The following BNIPL variants were observed in gnomAD, a reference collection of about 807,000 sequenced individuals.
BNIPL encodes the protein bcl-2/adenovirus E1B 19 kDa-interacting protein 2-like protein.
In BNIPL, 33 loss-of-function variants were observed where a neutral mutation model predicts 47.0. The observed-to-expected ratio is 0.70, with a 90% CI of 0.53 to 0.94. The LOEUF (loss-of-function observed/expected upper bound fraction) is 0.94. Among genes scored for constraint, BNIPL ranks in the 40% least tolerant of loss-of-function variants. The pLI is 0.00. For synonymous variants in BNIPL, 145 were observed against 162.7 expected (o/e 0.89, Z 0.83); for missense variants, 404 against 445.2 (o/e 0.91, Z 0.83).
intron 4 of BNIPL, 31 bp from the exon 5 acceptor site, chr1:151,042,925 T>A: frequency 1.4e-6 from 2 of 1,469,202 alleles, no homozygotes; most frequent in South Asian, 1.4e-5. Context: ...GAAATCTGCC[T>A]TGTTGATCCT....
chr1:151,038,000 C>CAAAAAAAAAAAAAAAA (rs58423611), intron 2 of BNIPL, among the ~76,000 whole-genome samples: 14 of 63,948 alleles, frequency 2.2e-4, no homozygotes, highest in African/African-American at 1.3e-3. Flanking sequence ...AACTCTGTCT[C>CAAAAAAAAAAAAAAAA]AAAAAAAAAA....
rs377029504 is a variant in BNIPL, at chr1:151,046,197, G to C, written c.1037+32G>C. The C allele has an allele frequency of 1.5e-5, 24 of 1,612,540 alleles. No homozygotes were observed. In the African/African-American group the frequency reaches 3.2e-4, roughly 22 times the overall value. On this transcript the variant is annotated intron_variant, in intron 9 of 9. Transcript: ENST00000368931. Reference sequence around the variant, plus strand: ...TTCACACTTAAGAATAAAGCCTTGGGGTGGGATGTGTAAAGCCAATCTCTA... The same window carrying C: ...TTCACACTTAAGAATAAAGCCTTGGCGTGGGATGTGTAAAGCCAATCTCTA...
rs1346181945 is a variant in BNIPL at position 151,037,666 on chromosome 1, A to G, written c.137+4A>G. The G allele has an allele frequency of 3.8e-6, 6 of 1,586,244 alleles. No homozygotes were observed. The highest frequency in any genetic ancestry group is 5.2e-6 in the Non-Finnish European group (6 of 1,164,796). On this transcript the variant is annotated splice_donor_region_variant and intron_variant, in intron 2 of 9. Coordinates refer to ENST00000368931, the MANE Select transcript of BNIPL (RefSeq NM_138278.4). Reference sequence around the variant, plus strand: ...GGCAGGATGAAGAATTCCCTAGGTGAGGACGTGTGAGGGTGGCTGGGAGAA... The same window carrying G: ...GGCAGGATGAAGAATTCCCTAGGTGGGGACGTGTGAGGGTGGCTGGGAGAA...
At position 151,043,387 on chromosome 1, in the gene BNIPL, C is replaced by T. The variant is rs898541715; in HGVS notation, c.672C>T (p.Pro224=). 18 of 1,612,302 alleles carry T rather than the reference C, an allele frequency of 1.1e-5. No individual in the cohort carries two copies. The Admixed American group carries it at 2.8e-4, about 25-fold the overall frequency. The change falls in exon 6 of 10, where the codon CCC becomes CCT. Residue 224 remains proline (P), a synonymous_variant. Transcript: ENST00000368931. Reference sequence around the variant, plus strand: ...TCCTTTTTGCTTCCTGTTATCTACCCAGAAGCAGCATCCCCAACTACACCT... The same window carrying T: ...TCCTTTTTGCTTCCTGTTATCTACCTAGAAGCAGCATCCCCAACTACACCT... ...AVILFASCYL[P]RSSIPNYTYV...
chr1:151,043,523 G>C, intron 6 of BNIPL, 73 bp from the exon 7 acceptor site: 1 of 1,555,812 alleles, frequency 6.4e-7, no homozygotes, highest in South Asian at 1.1e-5. Context: ...GCTGATGGGA[G>C]AGTCTACAGT....
rs1264262601 is a variant in BNIPL at position 151,038,853 on chromosome 1, T to G, written c.260T>G (p.Leu87Arg). The change falls in exon 4 of 10, where the codon CTT becomes CGT. Residue 87 changes from leucine to arginine, a missense_variant. Physicochemically the swap from Leu to Arg is moderately radical, Grantham distance 102. Coordinates refer to ENST00000368931, the MANE Select transcript of BNIPL (RefSeq NM_138278.4). ...LCGQRPMRKR[L>R]SAPELRLSLT... ...GGCCAGCGCCCCATGCGCAAGCGTC[T>G]TTCTGCCCCAGAGTTGCGGCTGAGT... 1 of 1,613,670 alleles carries G rather than the reference T, an allele frequency of 6.2e-7. No individual in the cohort carries two copies. Among genetic ancestry groups the G allele is most frequent in the Admixed American group, 1.7e-5 (1 of 59,894 alleles).
At chr1:151,038,031 C>CAAAAAAAAAAA (rs1675686555) in intron 2 of BNIPL, among the ~76,000 whole-genome samples, 82 of 105,102 alleles carry the variant, frequency 7.8e-4, no homozygotes, top group African/African-American at 3.9e-3. Context: ...AAAAAAAAAG[C>CAAAAAAAAAAA]AAATGGACAC....
Position 151,047,695 on chromosome 1 carries a change from C to G in BNIPL, c.*1008C>G. 2.3e-6 allele frequency: 3 copies of G among 1,330,976 alleles called. No individual in the cohort carries two copies. The highest frequency in any genetic ancestry group is 2.9e-6 in the Non-Finnish European group (3 of 1,017,860). The allele number at this position is 1,330,976 out of a possible 1,614,324, so 82.4% of individuals were successfully genotyped here. A position where few individuals can be genotyped will look rare whatever the true frequency, so the allele number is the denominator to read the frequency against. ...GTTCCTTAGGAGCACCCCGCGCGGC[C>G]CGCGCGAGCGCGCCTGCGCGTCGAA... On this transcript the variant is annotated 3_prime_UTR_variant, in exon 10 of 10. Transcript: ENST00000368931.
chr1:151,044,957 G>A (rs1675954977), intron 7 of BNIPL: 1 of 1,286,360 alleles, frequency 7.8e-7, no homozygotes, highest in Non-Finnish European at 1.0e-6. Flanking sequence ...AGCACAAGAT[G>A]GAAATGGAGC....
At chr1:151,039,757 T>G (rs955278039) in intron 4 of BNIPL, among the ~76,000 whole-genome samples, 5 of 152,168 alleles carry the variant, frequency 3.3e-5, no homozygotes. Flanking sequence ...AGTTTTTTTG[T>G]TTTTTGTTTT....
chr1:151,042,967 C>G lies in BNIPL; in HGVS notation c.445C>G (p.Arg149Gly), dbSNP rs151319763. Residue 149 changes from arginine (R) to glycine (G), a missense_variant, in exon 5 of 10, where the codon CGG (arginine) becomes GGG (glycine). Arg to Gly is a moderately radical substitution (Grantham distance 125). Coordinates refer to ENST00000368931, the MANE Select transcript of BNIPL (RefSeq NM_138278.4). ...HEFEWEDELP[R>G]AEGLGTSETA... is the part of the protein sequence containing the mutation. ...TCCCTCTCTTTTAGATGAACTACCCCGGGCAGAGGGTCTGGGCACCAGTGA... is the reference window on the plus strand; with the variant it reads ...TCCCTCTCTTTTAGATGAACTACCCGGGGCAGAGGGTCTGGGCACCAGTGA... The G allele has an allele frequency of 4.4e-6, 7 of 1,579,312 alleles. No homozygotes were observed. Among genetic ancestry groups the G allele is most frequent in the Admixed American group, 2.0e-5 (1 of 49,120 alleles).
At position 151,047,063 on chromosome 1, in the gene BNIPL, ATTC is replaced by A. The variant is rs1343500052; in HGVS notation, c.*381_*383del. Reference sequence around the variant, plus strand: ...CAACCTCCGCCTCCCGGTTCAAGCCATTCTTCTGCCTCAGCCTCAGCGAGTAGC... The same window carrying A: ...CAACCTCCGCCTCCCGGTTCAAGCCATTCTGCCTCAGCCTCAGCGAGTAGC... On this transcript the variant is annotated 3_prime_UTR_variant, in exon 10 of 10. Transcript: ENST00000368931. 1 of 164,364 alleles carries A rather than the reference ATTC, an allele frequency of 6.1e-6. No individual in the cohort carries two copies. The highest frequency in any genetic ancestry group is 1.3e-5 in the Non-Finnish European group (1 of 75,826). The allele number at this position is 164,364 out of a possible 1,614,324, so 10.2% of individuals were successfully genotyped here. A position where few individuals can be genotyped will look rare whatever the true frequency, so the allele number is the denominator to read the frequency against.
intron 4 of BNIPL, among the ~76,000 whole-genome samples, chr1:151,041,198 G>C (rs1447643153): frequency 6.6e-6 from 1 of 151,544 alleles, no homozygotes; most frequent in Non-Finnish European, 1.5e-5. Context: ...AAAAAAGGTA[G>C]AGAAGAAAGG....
chr1:151,046,691 A>AG lies in BNIPL; in HGVS notation c.*6dup. On this transcript the variant is annotated 3_prime_UTR_variant, in exon 10 of 10. Coordinates refer to ENST00000368931, the MANE Select transcript of BNIPL (RefSeq NM_138278.4). Reference sequence around the variant, plus strand: ...CCATGGCTCAGGAGGGACATAGCACAGGACTGGATAAAAGGCCTTAGAACC... The same window carrying AG: ...CCATGGCTCAGGAGGGACATAGCACAGGGACTGGATAAAAGGCCTTAGAACC... 2 of 1,594,502 alleles carry AG rather than the reference A, an allele frequency of 1.3e-6. No homozygotes were observed. The highest frequency in any genetic ancestry group is 8.6e-7 in the Non-Finnish European group (1 of 1,164,050).
chr1:151,039,198 GTC>G (rs1675736927), intron 4 of BNIPL, among the ~76,000 whole-genome samples, 172 bp downstream of exon 4: 1 of 152,164 alleles, frequency 6.6e-6, no homozygotes, highest in Non-Finnish European at 1.5e-5. Context: ...TGTGAGAGTA[GTC>G]AGTAGAGGGG....
chr1:151,046,174 C>G lies in BNIPL; in HGVS notation c.1037+9C>G, dbSNP rs1185841143. On this transcript the variant is annotated intron_variant, in intron 9 of 9. Transcript: ENST00000368931. ...CCTGAAGCTGTCAGACAGTGAGTTT[C>G]ACACTTAAGAATAAAGCCTTGGGGT... is the stretch of plus-strand genomic sequence containing the variant. 3 of 1,613,878 alleles carry G rather than the reference C, an allele frequency of 1.9e-6. No homozygotes were observed. The African/African-American group carries it at 4.0e-5, about 22-fold the overall frequency.
At chr1:151,042,416 C>G (rs1444711993) in intron 4 of BNIPL, among the ~76,000 whole-genome samples, 1 of 152,080 alleles carries the variant, frequency 6.6e-6, no homozygotes, top group Non-Finnish European at 1.5e-5. Flanking sequence ...TGAGCACAAC[C>G]TTGAGTTCCC....
chr1:151,037,435 A>G, intron 1 of BNIPL, 132 bp from the exon 2 acceptor site: 1 of 1,433,646 alleles, frequency 7.0e-7, no homozygotes, highest in South Asian at 1.4e-5. Flanking sequence ...AAGCATCTGT[A>G]TAGGAGGCAA....
chr1:151,044,735 G>A (rs1043011564), intron 7 of BNIPL: 18 of 1,122,728 alleles, frequency 1.6e-5, no homozygotes, highest in Non-Finnish European at 2.1e-5. Flanking sequence ...GATTACAGGT[G>A]TGAGCCACTG....
Sources: allele counts gnomAD v4.1 joint callset (sites outside exome capture counted in the v4.1 genomes callset), GRCh38; gene constraint gnomAD v4.1.1; transcripts MANE v1.5; gene names NCBI Gene and HGNC (gene_info 2026-07-23, HGNC 2026-07-21).